Variants in ACTR10 observed in about 807,000 individuals in gnomAD.
ACTR10 encodes the protein actin related protein 10, also known as actin-related protein 10.
ACTR10 carries 43 observed loss-of-function variants against 56.2 expected under a neutral mutation model. That is an observed-to-expected ratio of 0.77 (90% confidence interval 0.60 to 0.99). ACTR10 has a LOEUF of 0.99. Ranked by LOEUF, ACTR10 falls within the 50% of genes least tolerant of loss-of-function variation. The pLI, the probability that ACTR10 is intolerant of heterozygous loss-of-function variation, is 0.00. For missense variants in ACTR10, 466 were observed against 507.8 expected, an observed-to-expected ratio of 0.92 and a Z score of 0.79; for synonymous variants, 170 against 176.3, an observed-to-expected ratio of 0.96 and a Z score of 0.28.
Position 58,213,625 on chromosome 14 carries a change from C to G in ACTR10, c.451-6C>G, listed in dbSNP as rs748701199. The G allele has an allele frequency of 6.2e-7, 1 of 1,604,400 alleles. No individual in the cohort carries two copies. The highest frequency in any genetic ancestry group is 8.5e-7 in the Non-Finnish European group (1 of 1,172,666). On this transcript the variant is annotated splice_polypyrimidine_tract_variant and splice_region_variant and intron_variant, in intron 5 of 12. Transcript: ENST00000254286. Reference sequence around the variant, plus strand: ...TAAAATAGTAGTATCCTTGACTACTCTATAGATATATGAAGGAATCCCAGT... The same window carrying G: ...TAAAATAGTAGTATCCTTGACTACTGTATAGATATATGAAGGAATCCCAGT...
intron 8 of ACTR10, 53 bp from the exon 9 acceptor site, chr14:58,223,567 ACT>A (rs1372711538): frequency 1.4e-6 from 2 of 1,400,972 alleles, no homozygotes; most frequent in African/African-American, 1.4e-5. Context: ...GTGTAGGTAC[ACT>A]CTGTTCAATT....
chr14:58,233,510 T>C (rs774891441), intron 12 of ACTR10, among the ~76,000 whole-genome samples: 21 of 152,338 alleles, frequency 1.4e-4, no homozygotes, highest in Non-Finnish European at 2.8e-4. Context: ...TATAAAAATA[T>C]ATATACAGAT....
chr14:58,218,650 AC>A (rs1228443260), intron 7 of ACTR10, among the ~76,000 whole-genome samples: 1 of 152,130 alleles, frequency 6.6e-6, no homozygotes, highest in East Asian at 1.9e-4. Context: ...GGCTCTCAGA[AC>A]TGAAAGTTAT....
chr14:58,223,708 T>A lies in ACTR10; in HGVS notation c.714+7T>A. The A allele has an allele frequency of 6.3e-7, 1 of 1,599,730 alleles. No homozygotes were observed. Among genetic ancestry groups the A allele is most frequent in the Non-Finnish European group, 8.5e-7 (1 of 1,175,130 alleles). ...TATTGATGGGAATAATGAGGTAAGTTTAAAAAAAAAAAAGGCATCTTTTTG... is the reference window on the plus strand; with the variant it reads ...TATTGATGGGAATAATGAGGTAAGTATAAAAAAAAAAAAGGCATCTTTTTG... On this transcript the variant is annotated splice_region_variant and intron_variant, in intron 9 of 12. Coordinates refer to ENST00000254286, the MANE Select transcript of ACTR10 (RefSeq NM_018477.3).
intron 12 of ACTR10, among the ~76,000 whole-genome samples, 188 bp from the exon 13 acceptor site, chr14:58,234,182 T>C (rs941560572): frequency 1.3e-5 from 2 of 152,236 alleles, no homozygotes; most frequent in African/African-American, 4.8e-5. Context: ...CATGGAGTTA[T>C]GGCTTACCCT....
At position 58,213,659 on chromosome 14, in the gene ACTR10, G is replaced by A. The variant is rs1468889721; in HGVS notation, c.479G>A (p.Cys160Tyr). 1.9e-6 allele frequency: 3 copies of A among 1,612,594 alleles called. No individual in the cohort carries two copies. In the South Asian group the frequency reaches 3.3e-5, roughly 18 times the overall value. Residue 160 changes from cysteine to tyrosine, a missense_variant, in exon 6 of 13, where the codon TGT (cysteine) becomes TAT (tyrosine). Cys to Tyr is a radical substitution (Grantham distance 194). Transcript: ENST00000254286. ...TATGAAGGAATCCCAGTTCTAAATT[G>A]TTGGGGAGCACTACCCCTAGGAGGA... ...PIYEGIPVLN[C>Y]WGALPLGGKA... is the part of the protein sequence containing the mutation.
In ACTR10 at chr14:58,232,410, T is replaced by C. The variant is rs953080764; in HGVS notation, c.1072+143T>C. Reference sequence around the variant, plus strand: ...GAACTAACACTGACTTTTTCTTTTTTTTTTTTTTTTTTTTTTTTTTTGAGA... The same window carrying C: ...GAACTAACACTGACTTTTTCTTTTTCTTTTTTTTTTTTTTTTTTTTTGAGA... On this transcript the variant is annotated intron_variant, in intron 12 of 12. Coordinates refer to ENST00000254286, the MANE Select transcript of ACTR10 (RefSeq NM_018477.3). The C allele has an allele frequency of 8.6e-4, 387 of 451,224 alleles. 1 individual carries two copies. The highest frequency in any genetic ancestry group is 2.7e-3 in the South Asian group (62 of 22,998). 28.0% of individuals were successfully genotyped at this position (451,224 alleles called of 1,614,324 possible).
chr14:58,215,623 G>T (rs756176310), intron 7 of ACTR10, among the ~76,000 whole-genome samples: 1 of 151,734 alleles, frequency 6.6e-6, no homozygotes, highest in Non-Finnish European at 1.5e-5. Flanking sequence ...ACTTGTATTC[G>T]ACTAGGGATC....
chr14:58,213,784 G>A, intron 6 of ACTR10, 86 bp downstream of exon 6: 2 of 990,366 alleles, frequency 2.0e-6, no homozygotes, highest in Non-Finnish European at 1.5e-6. Flanking sequence ...GATCAATAGA[G>A]GGCTTGTGAT....
chr14:58,215,061 G>A, intron 6 of ACTR10, 144 bp from the exon 7 acceptor site: 1 of 505,256 alleles, frequency 2.0e-6, no homozygotes, highest in East Asian at 3.4e-5. Flanking sequence ...AACTGGGATT[G>A]CGCCACTTCA....
chr14:58,215,058 A>G (rs1287240259), intron 6 of ACTR10, 147 bp from the exon 7 acceptor site: 6 of 502,360 alleles, frequency 1.2e-5, no homozygotes, highest in Non-Finnish European at 2.1e-5. Flanking sequence ...GTGAACTGGG[A>G]TTGCGCCACT....
At chr14:58,215,391 G>T in intron 7 of ACTR10, 107 bp downstream of exon 7, 3 of 650,282 alleles carry the variant, frequency 4.6e-6, no homozygotes, top group South Asian at 2.1e-5. Context: ...TTCTCCCCAT[G>T]CCACTCTGAT....
intron 8 of ACTR10, among the ~76,000 whole-genome samples, chr14:58,221,153 C>T (rs1225760900): frequency 6.6e-6 from 1 of 151,764 alleles, no homozygotes; most frequent in Non-Finnish European, 1.5e-5. Flanking sequence ...CGTGGTGGCA[C>T]TCGCCTGTAG....
intron 4 of ACTR10, chr14:58,209,371 A>G (rs1218883667): frequency 9.7e-6 from 2 of 205,260 alleles, no homozygotes; most frequent in Non-Finnish European, 1.9e-5. Context: ...ATTTCATCCA[A>G]CACTTACATA....
At position 58,217,405 on chromosome 14, in the gene ACTR10, C is replaced by T. The variant is rs541143008; in HGVS notation, c.598+2121C>T. Among the ~76,000 whole-genome samples, 26 of 152,132 alleles carry T rather than the reference C, an allele frequency of 1.7e-4. No individual in the cohort carries two copies. In the South Asian group the frequency reaches 3.9e-3, roughly 23 times the overall value. On this transcript the variant is annotated intron_variant, in intron 7 of 12. Transcript: ENST00000254286. ...AAATACGGCTGGGCACGGTGGCTCA[C>T]GCCTGTAATCCCAGCACTTTGGGAC...
chr14:58,232,022 G>C (rs1889548109), intron 11 of ACTR10, 44 bp from the exon 12 acceptor site: 3 of 1,327,214 alleles, frequency 2.3e-6, no homozygotes, highest in East Asian at 4.7e-5. Context: ...AGCATTATTT[G>C]TACAGTTCAG....
At chr14:58,203,668 A>C (rs949725987) in intron 2 of ACTR10, among the ~76,000 whole-genome samples, 6 of 152,244 alleles carry the variant, frequency 3.9e-5, no homozygotes, top group Middle Eastern at 3.4e-3. Flanking sequence ...GAATTATTTT[A>C]TTATTTATAA....
intron 10 of ACTR10, among the ~76,000 whole-genome samples, chr14:58,225,683 AC>A (rs1350091504): frequency 2.0e-5 from 3 of 151,968 alleles, no homozygotes; most frequent in Admixed American, 2.0e-4. Context: ...TTAAAGAAAT[AC>A]AGAGGCCAGG....
chr14:58,212,787 G>A (rs938119248), intron 5 of ACTR10, among the ~76,000 whole-genome samples: 26 of 152,070 alleles, frequency 1.7e-4, no homozygotes, highest in African/African-American at 5.6e-4. Context: ...TCTCAGCTCC[G>A]TCCTGTAGAA....
Sources: gnomAD v4.1 joint callset for allele counts (sites outside exome capture counted in the v4.1 genomes callset) on GRCh38, gnomAD v4.1.1 for gene constraint, MANE v1.5 for transcripts, NCBI Gene and HGNC (gene_info 2026-07-23, HGNC 2026-07-21) for gene names.